The following URI1 variants were observed in gnomAD, a reference collection of about 807,000 sequenced individuals.
URI1 encodes the protein unconventional prefoldin RPB5 interactor 1.
A neutral mutation model predicts 60.2 loss-of-function variants in URI1; 39 were observed. The ratio of observed to expected loss-of-function variants is 0.65; its 90% CI spans 0.50 to 0.85. The LOEUF is 0.85. URI1 is among the 40% of genes least tolerant of loss of function. URI1 has a pLI of 0.00. For missense variants in URI1, 691 were observed against 665.9 expected, an observed-to-expected ratio of 1.04 and a Z score of -0.42; for synonymous variants, 251 against 236.8, an observed-to-expected ratio of 1.06 and a Z score of -0.55.
chr19:29,993,720 A>T (rs1394607316), intron 4 of URI1, among the ~76,000 whole-genome samples: 2 of 152,102 alleles, frequency 1.3e-5, no homozygotes, highest in African/African-American at 4.8e-5. Flanking sequence ...AATCTAAAGG[A>T]TATTTATTAA....
At chr19:29,932,840 AC>A (rs755719919) in intron 1 of URI1, among the ~76,000 whole-genome samples, 11 of 149,490 alleles carry the variant, frequency 7.4e-5, no homozygotes, top group Non-Finnish European at 1.3e-4. Flanking sequence ...TTTAGTAGAG[AC>A]AGAATTTCAC....
rs760295998 is a variant in URI1 at position 29,942,660 on chromosome 19, A to G, written c.113A>G (p.Glu38Gly). Residue 38 changes from glutamate to glycine, a missense_variant, in exon 1 of 11, where the codon GAA becomes GGA. Physicochemically the swap from Glu to Gly is moderately conservative, Grantham distance 98. Transcript: ENST00000392271. ...PDVARLREEQ[E>G]KVVTNCQERI... ...GTGGCGCGGCTGCGCGAGGAGCAGG[A>G]AAAGGTAACTAGCAGCCCCGCGCCG... is the stretch of plus-strand genomic sequence containing the variant. 4 of 1,417,678 alleles carry G rather than the reference A, an allele frequency of 2.8e-6. No individual in the cohort carries two copies. The highest frequency in any genetic ancestry group is 2.8e-6 in the Non-Finnish European group (3 of 1,082,322). 87.8% of individuals were successfully genotyped at this position (1,417,678 alleles called of 1,614,324 possible).
chr19:29,993,320 C>T (rs1213590799), intron 4 of URI1, among the ~76,000 whole-genome samples: 1 of 152,138 alleles, frequency 6.6e-6, no homozygotes, highest in Non-Finnish European at 1.5e-5. Context: ...ATGTTGTTGA[C>T]ATAATCAAGT....
chr19:30,004,554 G>A (rs1473267789), intron 4 of URI1: 1 of 151,990 alleles, frequency 6.6e-6, no homozygotes, highest in Non-Finnish European at 1.5e-5. Context: ...TCTGGGGGAG[G>A]AGGTATCATA....
chr19:29,999,206 G>A (rs1599716530), intron 4 of URI1, among the ~76,000 whole-genome samples: 1 of 152,030 alleles, frequency 6.6e-6, no homozygotes, highest in Admixed American at 6.5e-5. Flanking sequence ...AAAGAAAAAA[G>A]TGGAGTTACA....
At chr19:29,960,101 T>C (rs1051899926) in intron 1 of URI1, among the ~76,000 whole-genome samples, 4 of 152,192 alleles carry the variant, frequency 2.6e-5, no homozygotes, top group African/African-American at 9.6e-5. Context: ...AATACATTCC[T>C]TTTCAAACAT....
intron 1 of URI1, among the ~76,000 whole-genome samples, chr19:29,968,437 A>T (rs1309312565): frequency 1.3e-5 from 2 of 152,096 alleles, no homozygotes; most frequent in Admixed American, 1.3e-4. Context: ...TTTAATACTT[A>T]AAGTAATTAA....
intron 1 of URI1, among the ~76,000 whole-genome samples, chr19:29,944,140 C>CATGTAT (rs2055067519): frequency 2.7e-5 from 1 of 37,124 alleles, no homozygotes; most frequent in African/African-American, 6.0e-5. Flanking sequence ...CCCTGTCATT[C>CATGTAT]ATATATATAT....
At chr19:29,931,910 T>TTTGTGTGTG (rs1555734364) in intron 1 of URI1, among the ~76,000 whole-genome samples, 3 of 139,992 alleles carry the variant, frequency 2.1e-5, no homozygotes, top group African/African-American at 8.0e-5. Context: ...GCTCTAACAG[T>TTTGTGTGTG]TGTGTGTGTG....
intron 1 of URI1, among the ~76,000 whole-genome samples, chr19:29,949,044 G>T (rs1402410946): frequency 7.0e-6 from 1 of 142,636 alleles, no homozygotes; most frequent in Non-Finnish European, 1.5e-5. Context: ...GCAGCTGGCC[G>T]GGCGGGGGCT....
In URI1 at chr19:30,015,359, C is replaced by A; in HGVS notation, c.*290C>A. ...GAATTACTTTTCAAAGAATACTGTT[C>A]ATATGCATTGTTTTTGTGTTTCAAA... is the stretch of plus-strand genomic sequence containing the variant. On this transcript the variant is annotated 3_prime_UTR_variant, in exon 11 of 11. Transcript: ENST00000392271. 7.0e-7 allele frequency: 1 copy of A among 1,431,372 alleles called. No homozygotes were observed. The allele number at this position is 1,431,372 out of a possible 1,614,324, so 88.7% of individuals were successfully genotyped here. A position where few individuals can be genotyped will look rare whatever the true frequency, so the allele number is the denominator to read the frequency against.
chr19:29,923,920 C>T (rs1165559214), intron 1 of URI1, among the ~76,000 whole-genome samples: 1 of 152,092 alleles, frequency 6.6e-6, no homozygotes, highest in African/African-American at 2.4e-5. Flanking sequence ...TGGAGATTGG[C>T]CTGAGTGATT....
chr19:29,989,682 C>T (rs970354841), intron 4 of URI1, among the ~76,000 whole-genome samples: 2 of 152,094 alleles, frequency 1.3e-5, no homozygotes, highest in African/African-American at 4.8e-5. Context: ...TGTGGTCCAC[C>T]CACCTTGGCC....
intron 1 of URI1, chr19:29,956,743 C>A: frequency 6.3e-7 from 1 of 1,579,184 alleles, no homozygotes; most frequent in Non-Finnish European, 8.7e-7. Flanking sequence ...GTGTAACACC[C>A]TTGATCATGT....
chr19:29,993,981 G>A (rs1316868496), intron 4 of URI1, among the ~76,000 whole-genome samples: 1 of 151,882 alleles, frequency 6.6e-6, no homozygotes, highest in East Asian at 1.9e-4. Flanking sequence ...TATTTAGCCA[G>A]TCCTTTACTG....
intron 2 of URI1, among the ~76,000 whole-genome samples, chr19:29,979,206 C>A (rs1308906751): frequency 1.3e-5 from 2 of 152,070 alleles, no homozygotes; most frequent in Non-Finnish European, 2.9e-5. Flanking sequence ...ACTCATCACA[C>A]CTTTTCTAAA....
chr19:29,931,951 G>C (rs901956991), intron 1 of URI1, among the ~76,000 whole-genome samples: 11 of 58,538 alleles, frequency 1.9e-4, no homozygotes, highest in Non-Finnish European at 4.2e-4. Context: ...TGTGTGTTGG[G>C]TGGGTATTCA....
chr19:29,988,164 T>G (rs2055696200), intron 4 of URI1, among the ~76,000 whole-genome samples: 1 of 42,338 alleles, frequency 2.4e-5, no homozygotes, highest in South Asian at 1.2e-3. Flanking sequence ...CGAAATTTTG[T>G]CTCAAAAAAA....
chr19:29,998,484 C>T (rs2055839807), intron 4 of URI1, among the ~76,000 whole-genome samples: 1 of 152,048 alleles, frequency 6.6e-6, no homozygotes. Context: ...TTGCTTTGTA[C>T]ATTTGAGCTC....
Sources: allele counts gnomAD v4.1 joint callset (sites outside exome capture counted in the v4.1 genomes callset), GRCh38; gene constraint gnomAD v4.1.1; transcripts MANE v1.5; gene names NCBI Gene and HGNC (gene_info 2026-07-23, HGNC 2026-07-21).